TYW1: variants seen among roughly 807,000 people sequenced by gnomAD.
TYW1 encodes tRNA-yW synthesizing protein 1 homolog, also known as S-adenosyl-L-methionine-dependent tRNA 4-demethylwyosine synthase TYW1.
TYW1 carries 46 observed loss-of-function variants against 96.2 expected under a neutral mutation model. The observed-to-expected ratio is 0.48, with a 90% CI of 0.38 to 0.61. The LOEUF is 0.61. Among genes scored for constraint, TYW1 ranks in the 20% least tolerant of loss-of-function variants. The pLI is 0.00. For missense variants in TYW1, 684 were observed against 909.6 expected (o/e 0.75, Z 3.19); for synonymous variants, 274 against 323.0 (o/e 0.85, Z 1.63).
At chr7:67,091,061 T>C (rs1796700273) in intron 11 of TYW1, among the ~76,000 whole-genome samples, 1 of 152,198 alleles carries the variant, frequency 6.6e-6, no homozygotes, top group African/African-American at 2.4e-5. Context: ...ATCCCATTAC[T>C]GGGTGTATAC....
chr7:67,064,547 T>C (rs899437064), intron 9 of TYW1, among the ~76,000 whole-genome samples: 4 of 152,186 alleles, frequency 2.6e-5, no homozygotes, highest in Admixed American at 1.3e-4. Flanking sequence ...CTCAGAATCA[T>C]GGCAGGAGGC....
intron 13 of TYW1, among the ~76,000 whole-genome samples, chr7:67,167,094 A>T (rs1799359638): frequency 6.6e-6 from 1 of 152,204 alleles, no homozygotes; most frequent in Non-Finnish European, 1.5e-5. Flanking sequence ...CCATTGCCTC[A>T]TGACTTTTGA....
At chr7:67,019,349 C>A (rs1794149229) in intron 6 of TYW1, among the ~76,000 whole-genome samples, 1 of 76,130 alleles carries the variant, frequency 1.3e-5, no homozygotes, top group Non-Finnish European at 3.3e-5. Flanking sequence ...GCACGTACCA[C>A]TACGCCCAGC....
chr7:67,029,382 CGTGTGT>C lies in TYW1; in HGVS notation c.984+4389_984+4394del, dbSNP rs67162571. Among the ~76,000 whole-genome samples, 715 of 106,128 alleles carry C rather than the reference CGTGTGT, an allele frequency of 6.7e-3. 11 individuals are homozygous for C. The highest frequency in any genetic ancestry group is 0.01 in the African/African-American group (288 of 28,030). The allele number at this position is 106,128 out of a possible 152,430, so 69.6% of individuals were successfully genotyped here. A position where few individuals can be genotyped will look rare whatever the true frequency, so the allele number is the denominator to read the frequency against. On this transcript the variant is annotated intron_variant, in intron 7 of 15. Transcript: ENST00000359626. ...AAACTTAGTTAAATATGTGTGTGTGCGTGTGTGTGTGTGTGTGTGTGTGTGTGTGTG... is the reference window on the plus strand; with the variant it reads ...AAACTTAGTTAAATATGTGTGTGTGCGTGTGTGTGTGTGTGTGTGTGTGTG...
At chr7:67,074,612 C>A (rs1306005908) in intron 10 of TYW1, among the ~76,000 whole-genome samples, 2 of 152,182 alleles carry the variant, frequency 1.3e-5, no homozygotes, top group African/African-American at 4.8e-5. Flanking sequence ...AATTTGCCAT[C>A]TGTTTCAATG....
At chr7:67,128,690 GTTT>G (rs59475781) in intron 13 of TYW1, among the ~76,000 whole-genome samples, 1 of 137,012 alleles carries the variant, frequency 7.3e-6, no homozygotes. Flanking sequence ...AGGTCTCAGT[GTTT>G]TTTTTTTTTT....
chr7:67,038,904 A>G (rs1368879905), intron 7 of TYW1, among the ~76,000 whole-genome samples: 1 of 152,242 alleles, frequency 6.6e-6, no homozygotes, highest in Admixed American at 6.5e-5. Flanking sequence ...ACTCCATCTC[A>G]AAAGCAAAAC....
chr7:67,203,897 C>T (rs13242546), intron 15 of TYW1, among the ~76,000 whole-genome samples: 37,841 of 151,664 alleles, frequency 0.25, 4,854 homozygotes, highest in African/African-American at 0.3. Flanking sequence ...ATGTTTTTGG[C>T]AGGTAAAGTA....
chr7:67,039,351 G>A (rs574386397), intron 7 of TYW1, among the ~76,000 whole-genome samples: 4 of 151,854 alleles, frequency 2.6e-5, no homozygotes, highest in African/African-American at 9.7e-5. Flanking sequence ...CCAGCTACTC[G>A]GGAGGCTGAG....
chr7:67,210,242 A>C (rs1800955138), intron 15 of TYW1, among the ~76,000 whole-genome samples: 1 of 152,096 alleles, frequency 6.6e-6, no homozygotes, highest in African/African-American at 2.4e-5. Flanking sequence ...TATTATTGAA[A>C]TTTGTCTGAT....
intron 15 of TYW1, among the ~76,000 whole-genome samples, chr7:67,196,041 A>T (rs2421397): frequency 6.6e-6 from 1 of 152,044 alleles, no homozygotes; most frequent in African/African-American, 2.4e-5. Flanking sequence ...GTCATTACAT[A>T]TTTTTTTAAT....
intron 10 of TYW1, among the ~76,000 whole-genome samples, chr7:67,078,465 A>G (rs1563000762): frequency 6.6e-6 from 1 of 152,102 alleles, no homozygotes; most frequent in Non-Finnish European, 1.5e-5. Context: ...TTCTTTGGCT[A>G]TTTGGGGATT....
intron 15 of TYW1, among the ~76,000 whole-genome samples, chr7:67,211,172 G>A (rs1221332394): frequency 1.4e-5 from 2 of 146,010 alleles, no homozygotes; most frequent in African/African-American, 2.6e-5. Context: ...GTGTGTGTGT[G>A]TGTGTGTGTG....
Position 67,239,138 on chromosome 7 carries a change from G to A in TYW1, c.*609G>A. ...AATTGCGTTGGATCTAAAACTACTA[G>A]ATCTCATCCCATTCCCATGTAAATT... On this transcript the variant is annotated 3_prime_UTR_variant, in exon 16 of 16. Transcript: ENST00000359626. 1.0e-6 allele frequency: 1 copy of A among 986,258 alleles called. No individual in the cohort carries two copies. The highest frequency in any genetic ancestry group is 1.2e-6 in the Non-Finnish European group (1 of 830,492). The allele number at this position is 986,258 out of a possible 1,614,324, so 61.1% of individuals were successfully genotyped here.
chr7:67,168,718 T>C (rs921644508), intron 13 of TYW1, among the ~76,000 whole-genome samples: 3 of 140,174 alleles, frequency 2.1e-5, no homozygotes, highest in African/African-American at 7.4e-5. Flanking sequence ...TTTTTTTTTC[T>C]TTTTTTCTTT....
chr7:67,084,525 CTT>C (rs11445938), intron 11 of TYW1, among the ~76,000 whole-genome samples: 4 of 145,648 alleles, frequency 2.7e-5, no homozygotes, highest in African/African-American at 2.5e-5. Flanking sequence ...TTTCTTTCTT[CTT>C]TTTTTTTTTT....
intron 13 of TYW1, among the ~76,000 whole-genome samples, chr7:67,172,963 T>TA (rs374224863): frequency 0.28 from 41,496 of 150,510 alleles, 6,062 homozygotes; most frequent in African/African-American, 0.39. Context: ...CTACAAAAAG[T>TA]AAAAAAAATT....
chr7:67,206,497 G>T (rs1800802480), intron 15 of TYW1, among the ~76,000 whole-genome samples: 1 of 152,032 alleles, frequency 6.6e-6, no homozygotes, highest in African/African-American at 2.4e-5. Flanking sequence ...TGGGTGTGGT[G>T]GCTGGCACCT....
At chr7:67,212,415 G>A (rs1002573607) in intron 15 of TYW1, among the ~76,000 whole-genome samples, 1 of 151,912 alleles carries the variant, frequency 6.6e-6, no homozygotes, top group Non-Finnish European at 1.5e-5. Flanking sequence ...GGACATCTTG[G>A]TTGCTTCCAG....
Sources: gnomAD v4.1 joint callset for allele counts (sites outside exome capture counted in the v4.1 genomes callset) on GRCh38, gnomAD v4.1.1 for gene constraint, MANE v1.5 for transcripts, NCBI Gene and HGNC (gene_info 2026-07-23, HGNC 2026-07-21) for gene names.